The following ZCCHC14 variants were observed in gnomAD, a reference collection of about 807,000 sequenced individuals.
ZCCHC14 encodes zinc finger CCHC-type containing 14, also known as zinc finger CCHC domain-containing protein 14.
Under a neutral mutation model 85.0 loss-of-function variants are expected in ZCCHC14, and 16 were observed. That is an observed-to-expected ratio of 0.19 (90% CI 0.13 to 0.29). The LOEUF is 0.29. ZCCHC14 is among the 10% of genes least tolerant of loss of function. The probability of loss-of-function intolerance (pLI) is 1.00; values close to 1 mark genes in which losing one functional copy is unlikely to be tolerated. For synonymous variants in ZCCHC14, 775 were observed against 630.7 expected (o/e 1.23, Z -3.43); for missense variants, 1,303 against 1,443.5 (o/e 0.90, Z 1.58).
intron 2 of ZCCHC14, among the ~76,000 whole-genome samples, chr16:87,435,432 C>A (rs1028901823): frequency 2.4e-4 from 37 of 152,252 alleles, no homozygotes; most frequent in Non-Finnish European, 4.7e-4. Context: ...CCTCCACATG[C>A]CCCTCATCTG....
intron 1 of ZCCHC14, among the ~76,000 whole-genome samples, chr16:87,467,984 G>A (rs1028481795): frequency 6.6e-6 from 1 of 152,164 alleles, no homozygotes. Flanking sequence ...ATGAGCCACT[G>A]CGCCTGGCTC....
intron 2 of ZCCHC14, among the ~76,000 whole-genome samples, chr16:87,452,428 C>G (rs1910750189): frequency 6.6e-6 from 1 of 152,102 alleles, no homozygotes; most frequent in African/African-American, 2.4e-5. Context: ...GAACTCAGAG[C>G]TGAAAGCCAC....
intron 1 of ZCCHC14, among the ~76,000 whole-genome samples, chr16:87,489,669 G>C (rs1361223041): frequency 6.6e-6 from 1 of 152,220 alleles, no homozygotes; most frequent in African/African-American, 2.4e-5. Context: ...CCATGGCCTT[G>C]GGACTGGGGT....
intron 1 of ZCCHC14, among the ~76,000 whole-genome samples, chr16:87,475,552 TAAAAAAAAAAAAAA>T (rs35771945): frequency 2.8e-4 from 26 of 91,474 alleles, no homozygotes; most frequent in African/African-American, 1.1e-3. Flanking sequence ...GACTCTGTCT[TAAAAAAAAAAAAAA>T]AAAAAAAAAG....
At chr16:87,465,034 C>A (rs892341477) in intron 1 of ZCCHC14, among the ~76,000 whole-genome samples, 15 of 152,254 alleles carry the variant, frequency 9.9e-5, no homozygotes, top group African/African-American at 3.4e-4. Context: ...CTGGCCCCTG[C>A]AACCTGGCAT....
rs1597397022 is a variant in ZCCHC14, at chr16:87,412,531, C to A, written c.2190G>T (p.Arg730=). ...GCGTGGATGCATGCACGACTTTGGT[C>A]CGGGGACCAAAGGAGACTGTGGGTG... ...SMSPTVSFGP[R]TKVVHASTLD... is the part of the protein sequence containing the mutation. The change falls in exon 12 of 13, where the codon CGG becomes CGT. Residue 730 remains arginine (R), a synonymous_variant. Transcript: ENST00000671377. 5 of 1,613,908 alleles carry A rather than the reference C, an allele frequency of 3.1e-6. No individual in the cohort carries two copies. Among genetic ancestry groups the A allele is most frequent in the Non-Finnish European group, 4.2e-6 (5 of 1,180,028 alleles).
intron 3 of ZCCHC14, among the ~76,000 whole-genome samples, chr16:87,431,096 G>C (rs1909633622): frequency 6.6e-6 from 1 of 151,858 alleles, no homozygotes; most frequent in African/African-American, 2.4e-5. Flanking sequence ...CCAAGATCAT[G>C]CTACTGCACT....
Position 87,459,397 on chromosome 16 carries a change from G to A in ZCCHC14, c.694+611C>T, listed in dbSNP as rs572414409. Among the ~76,000 whole-genome samples, 10 of 151,844 alleles carry A rather than the reference G, an allele frequency of 6.6e-5. No individual in the cohort carries two copies. In the East Asian group the frequency reaches 7.7e-4, roughly 12 times the overall value. On this transcript the variant is annotated intron_variant, in intron 2 of 12. Coordinates refer to ENST00000671377, the MANE Select transcript of ZCCHC14 (RefSeq NM_015144.3). ...TCTCACTCTGTCACCCAGACTGGAG[G>A]GCAGTGGCACGATCTCGGCTCACTG...
intron 1 of ZCCHC14, among the ~76,000 whole-genome samples, chr16:87,467,809 G>A (rs1318143681): frequency 1.3e-5 from 2 of 152,084 alleles, no homozygotes; most frequent in African/African-American, 2.4e-5. Flanking sequence ...GCACCACCAC[G>A]CCCGGCTAAT....
intron 1 of ZCCHC14, among the ~76,000 whole-genome samples, chr16:87,464,904 C>G (rs114654556): frequency 6.6e-6 from 1 of 152,198 alleles, no homozygotes; most frequent in East Asian, 1.9e-4. Flanking sequence ...CTGATGTGCA[C>G]GAGAGGGAAG....
intron 2 of ZCCHC14, among the ~76,000 whole-genome samples, chr16:87,447,543 T>C (rs1910502070): frequency 6.6e-6 from 1 of 152,198 alleles, no homozygotes; most frequent in South Asian, 2.1e-4. Context: ...TGTATTAGCT[T>C]TGAAAATGAC....
intron 2 of ZCCHC14, among the ~76,000 whole-genome samples, chr16:87,447,535 T>A (rs1910501769): frequency 6.6e-6 from 1 of 152,198 alleles, no homozygotes; most frequent in Non-Finnish European, 1.5e-5. Context: ...TGGTTACATG[T>A]ATTAGCTTTG....
At chr16:87,431,680 C>G (rs1188829045) in intron 3 of ZCCHC14, among the ~76,000 whole-genome samples, 1 of 152,158 alleles carries the variant, frequency 6.6e-6, no homozygotes, top group African/African-American at 2.4e-5. Context: ...CCGTGCACAG[C>G]ACCTTCTTAA....
intron 1 of ZCCHC14, among the ~76,000 whole-genome samples, chr16:87,469,654 T>C (rs1039576783): frequency 5.3e-5 from 8 of 152,248 alleles, no homozygotes; most frequent in Admixed American, 5.2e-4. Context: ...GCTGTTATTA[T>C]TGTGGTGCTT....
chr16:87,449,217 G>C (rs1220606749), intron 2 of ZCCHC14, among the ~76,000 whole-genome samples: 1 of 152,288 alleles, frequency 6.6e-6, no homozygotes, highest in Non-Finnish European at 1.5e-5. Flanking sequence ...ACACACCCCA[G>C]GCATCTCTTA....
chr16:87,409,588 TA>T lies in ZCCHC14; in HGVS notation c.*691del, dbSNP rs1908344691. On this transcript the variant is annotated 3_prime_UTR_variant, in exon 13 of 13. Coordinates refer to ENST00000671377, the MANE Select transcript of ZCCHC14 (RefSeq NM_015144.3). ...TTTAGATTTATTTGCAGAAAAAAAT[TA>T]AAAACCTGAAACTGCTACAAGTGCT... 1.3e-5 allele frequency: 2 copies of T among 152,544 alleles called. No homozygotes were observed. Among genetic ancestry groups the T allele is most frequent in the Admixed American group, 1.3e-4 (2 of 15,288 alleles). 9.4% of individuals were successfully genotyped at this position (152,544 alleles called of 1,614,324 possible).
intron 1 of ZCCHC14, among the ~76,000 whole-genome samples, chr16:87,468,811 G>C (rs1597445608): frequency 3.3e-5 from 5 of 152,318 alleles, no homozygotes; most frequent in East Asian, 3.9e-4. Flanking sequence ...GCCCAGGACA[G>C]CTCCAGAGCA....
chr16:87,444,755 T>A (rs1910352305), intron 2 of ZCCHC14, among the ~76,000 whole-genome samples: 2 of 152,146 alleles, frequency 1.3e-5, no homozygotes, highest in Non-Finnish European at 2.9e-5. Context: ...CAAGGGAAGA[T>A]GGAGGAGCAG....
At chr16:87,450,163 C>G (rs1160418354) in intron 2 of ZCCHC14, among the ~76,000 whole-genome samples, 1 of 152,214 alleles carries the variant, frequency 6.6e-6, no homozygotes, top group African/African-American at 2.4e-5. Flanking sequence ...CACGATCACA[C>G]CGTAGATACT....
Sources: allele counts gnomAD v4.1 joint callset (sites outside exome capture counted in the v4.1 genomes callset), GRCh38; gene constraint gnomAD v4.1.1; transcripts MANE v1.5; gene names NCBI Gene and HGNC (gene_info 2026-07-23, HGNC 2026-07-21).